PCDHGA8: variants seen among roughly 807,000 people sequenced by gnomAD.
PCDHGA8 encodes the protein protocadherin gamma-A8.
PCDHGA8 carries 45 observed loss-of-function variants against 59.2 expected under a neutral mutation model. That is an observed-to-expected ratio of 0.76 (90% CI 0.60 to 0.98). The LOEUF is 0.98. PCDHGA8 is among the 50% of genes least tolerant of loss of function. The pLI is 0.00. For synonymous variants in PCDHGA8, 531 were observed against 519.0 expected (o/e 1.02, Z -0.32); for missense variants, 1,257 against 1,196.2 (o/e 1.05, Z -0.75).
intron 1 of PCDHGA8, chr5:141,405,510 C>T: frequency 1.4e-6 from 1 of 732,922 alleles, no homozygotes; most frequent in Non-Finnish European, 2.2e-6. Context: ...ACCTCCGCCT[C>T]CCAAATTCAA....
rs773048793 is a variant in PCDHGA8, at chr5:141,505,456, A to T, written c.2547A>T (p.Gln849His). The T allele has an allele frequency of 1.3e-5, 21 of 1,614,110 alleles. No homozygotes were observed. The highest frequency in any genetic ancestry group is 1.7e-5 in the Non-Finnish European group (20 of 1,180,044). The change falls in exon 3 of 4, where the codon CAA becomes CAT. Residue 849 changes from glutamine (Q) to histidine (H), a missense_variant. By Grantham distance (24) the Gln-to-His change is conservative (BLOSUM62 0). Coordinates refer to ENST00000398604, the MANE Select transcript of PCDHGA8 (RefSeq NM_032088.2). ...ACCAGTTTGACACAGAGATGCTGCA[A>T]GCCATGATCTTGGCGTCCGCCAGTG... ...PNNQFDTEML[Q>H]AMILASASEA...
rs986276637 is a variant in PCDHGA8, at chr5:141,487,728, C to A, written c.2425-7079C>A. The A allele has an allele frequency of 3.2e-6, 5 of 1,570,444 alleles. No individual in the cohort carries two copies. The highest frequency in any genetic ancestry group is 2.3e-5 in the East Asian group (1 of 42,866). On this transcript the variant is annotated intron_variant, in intron 1 of 3. Transcript: ENST00000398604. The surrounding 1 kb of genome is among the most constrained non-coding windows in gnomAD (Gnocchi z 5.0). ...TCAGTAAGTGCCCATAGTGATGTCACCATTTTTGTAAGAGGTAACTATGTG... is the reference window on the plus strand; with the variant it reads ...TCAGTAAGTGCCCATAGTGATGTCAACATTTTTGTAAGAGGTAACTATGTG...
At chr5:141,474,016 G>A (rs1286684019) in intron 1 of PCDHGA8, among the ~76,000 whole-genome samples, 1 of 152,128 alleles carries the variant, frequency 6.6e-6, no homozygotes, top group Non-Finnish European at 1.5e-5. Context: ...GTTACAGTGA[G>A]CTATGATTAT....
chr5:141,408,559 C>T (rs1490844526), intron 1 of PCDHGA8: 3 of 1,614,000 alleles, frequency 1.9e-6, no homozygotes, highest in Non-Finnish European at 2.5e-6. Flanking sequence ...TTTTTCATGT[C>T]ATTGTGGTGA....
In PCDHGA8 at chr5:141,394,617, G is replaced by A. The variant is rs369651266; in HGVS notation, c.1804G>A (p.Ala602Thr). The A allele has an allele frequency of 1.7e-5, 28 of 1,613,372 alleles. No individual in the cohort carries two copies. The Admixed American group carries it at 2.8e-4, about 16-fold the overall frequency. Residue 602 changes from alanine to threonine, a missense_variant, in exon 1 of 4, where the codon GCC becomes ACC. Ala to Thr is a moderately conservative substitution (Grantham distance 58, BLOSUM62 0). Coordinates refer to ENST00000398604, the MANE Select transcript of PCDHGA8 (RefSeq NM_032088.2). ...GGTGGACAGAGACTCGGGCCAGAAC[G>A]CCTGGCTGTCCTACCGCCTGCTCAA... is the stretch of plus-strand genomic sequence containing the variant. ...VAVDRDSGQN[A>T]WLSYRLLKAS...
chr5:141,445,334 A>G (rs1337991795), intron 1 of PCDHGA8, among the ~76,000 whole-genome samples: 1 of 152,224 alleles, frequency 6.6e-6, no homozygotes, highest in African/African-American at 2.4e-5. Context: ...ATCCAGAAAC[A>G]GTAAACATTG....
chr5:141,439,790 C>G (rs2098131627), intron 1 of PCDHGA8: 2 of 152,248 alleles, frequency 1.3e-5, no homozygotes, highest in Non-Finnish European at 2.9e-5. Flanking sequence ...TTCTATAATC[C>G]AAGAAGAGTT....
rs373424450 is a variant in PCDHGA8, at chr5:141,450,829, AT to A, written c.2425-43965del. 1.1e-3 allele frequency among the ~76,000 whole-genome samples: 154 copies of A among 135,102 alleles called. 1 individual carries two copies. Among genetic ancestry groups the A allele is most frequent in the South Asian group, 8.9e-3 (38 of 4,254 alleles). 88.6% of individuals were successfully genotyped at this position (135,102 alleles called of 152,430 possible). ...TTATTTATTTAATATTATTATTATTATTTTTTTTTTTTTGAGATGGGGTCTT... is the reference window on the plus strand; with the variant it reads ...TTATTTATTTAATATTATTATTATTATTTTTTTTTTTTGAGATGGGGTCTT... On this transcript the variant is annotated intron_variant, in intron 1 of 3. Transcript: ENST00000398604.
At chr5:141,423,126 G>A (rs1397550571) in intron 1 of PCDHGA8, 1 of 1,613,622 alleles carries the variant, frequency 6.2e-7, no homozygotes, top group Non-Finnish European at 8.5e-7. Context: ...CGCGGGCACT[G>A]CTGGACAGAG....
At chr5:141,423,346 G>T in intron 1 of PCDHGA8, 1 of 1,614,214 alleles carries the variant, frequency 6.2e-7, no homozygotes, top group South Asian at 1.1e-5. Context: ...CATCTTCCTG[G>T]TCTTTGTCAT....
intron 1 of PCDHGA8, chr5:141,418,660 T>C (rs1377720154): frequency 6.2e-7 from 1 of 1,614,024 alleles, no homozygotes; most frequent in Admixed American, 1.7e-5. Context: ...TGAAGGCCAC[T>C]GACCAGGACG....
Position 141,486,563 on chromosome 5 carries a change from G to T in PCDHGA8, c.2425-8244G>T, listed in dbSNP as rs558244990. Reference sequence around the variant, plus strand: ...CTTTCAGAGGTCACATGAGGTGTTTGTTCCTGAGAACAATCGCCCAGGGGA... The same window carrying T: ...CTTTCAGAGGTCACATGAGGTGTTTTTTCCTGAGAACAATCGCCCAGGGGA... On this transcript the variant is annotated intron_variant, in intron 1 of 3. Transcript: ENST00000398604. The surrounding 1 kb of genome is among the most constrained non-coding windows in gnomAD (Gnocchi z 5.0). The T allele has an allele frequency of 4.3e-6, 7 of 1,614,006 alleles. No individual in the cohort carries two copies. The highest frequency in any genetic ancestry group is 4.0e-5 in the African/African-American group (3 of 75,054).
intron 1 of PCDHGA8, among the ~76,000 whole-genome samples, chr5:141,455,160 G>GTT (rs59530096): frequency 1.3e-4 from 20 of 149,232 alleles, no homozygotes; most frequent in South Asian, 1.1e-3. Flanking sequence ...TAGTTTGTTG[G>GTT]TTTTTTTTTT....
intron 1 of PCDHGA8, chr5:141,440,430 G>A (rs965990102): frequency 6.6e-6 from 1 of 152,196 alleles, no homozygotes; most frequent in African/African-American, 2.4e-5. Flanking sequence ...CTGGGTGACA[G>A]AGCAAGGCGC....
intron 1 of PCDHGA8, chr5:141,416,995 T>G (rs912921234): frequency 2.0e-5 from 3 of 151,486 alleles, no homozygotes; most frequent in Non-Finnish European, 2.9e-5. Flanking sequence ...TGTGCATTCA[T>G]CTCAAATAAT....
chr5:141,413,639 G>A (rs893578830), intron 1 of PCDHGA8: 2 of 1,613,854 alleles, frequency 1.2e-6, no homozygotes, highest in Non-Finnish European at 1.7e-6. Context: ...GCGGGAATGC[G>A]TTTTCCTCTC....
At chr5:141,457,820 C>CTCAG (rs2098930320) in intron 1 of PCDHGA8, among the ~76,000 whole-genome samples, 1 of 152,198 alleles carries the variant, frequency 6.6e-6, no homozygotes, top group African/African-American at 2.4e-5. Flanking sequence ...CCAAGATAAA[C>CTCAG]TCAGAGCTTC....
chr5:141,447,538 T>C (rs954291961), intron 1 of PCDHGA8, among the ~76,000 whole-genome samples: 4 of 152,204 alleles, frequency 2.6e-5, no homozygotes, highest in Admixed American at 2.6e-4. Context: ...TTGTTGGGTT[T>C]TAATGTTATG....
Position 141,392,794 on chromosome 5 carries a change from G to A in PCDHGA8, c.-20G>A, listed in dbSNP as rs1002894691. ...TTATGCACAGTGAAGATTCTGAGAG[G>A]ATTCTGCAGCAAAACAACAATGGCC... On this transcript the variant is annotated 5_prime_UTR_variant, in exon 1 of 4. Transcript: ENST00000398604. 2 of 1,563,344 alleles carry A rather than the reference G, an allele frequency of 1.3e-6. No individual in the cohort carries two copies. The highest frequency in any genetic ancestry group is 1.4e-5 in the African/African-American group (1 of 73,290).
Sources: gnomAD v4.1 joint callset for allele counts (sites outside exome capture counted in the v4.1 genomes callset) on GRCh38, gnomAD v4.1.1 for gene constraint, Gnocchi (gnomAD v3.1) non-coding constraint, MANE v1.5 for transcripts, NCBI Gene and HGNC (gene_info 2026-07-23, HGNC 2026-07-21) for gene names.